The following MCF2L2 variants were observed in gnomAD, a reference collection of about 807,000 sequenced individuals.
MCF2L2 encodes the protein probable guanine nucleotide exchange factor MCF2L2.
In MCF2L2, 102 loss-of-function variants were observed where a neutral mutation model predicts 150.2. The observed-to-expected ratio is 0.68, with a 90% CI of 0.58 to 0.80. MCF2L2 has a LOEUF of 0.80. Ranked by LOEUF, MCF2L2 falls within the 30% of genes least tolerant of loss-of-function variation. MCF2L2 has a pLI of 0.00. For missense variants in MCF2L2, 1,256 were observed against 1,372.8 expected, an observed-to-expected ratio of 0.91 and a Z score of 1.34; for synonymous variants, 465 against 491.3, an observed-to-expected ratio of 0.95 and a Z score of 0.71.
chr3:183,196,500 A>T (rs1415062927), intron 25 of MCF2L2, among the ~76,000 whole-genome samples: 1 of 152,004 alleles, frequency 6.6e-6, no homozygotes, highest in African/African-American at 2.4e-5. Flanking sequence ...TCTTCTCAAC[A>T]TTGCCCGGAT....
chr3:183,371,963 G>A (rs1712911242), intron 3 of MCF2L2: 1 of 151,442 alleles, frequency 6.6e-6, no homozygotes, highest in Non-Finnish European at 1.5e-5. Context: ...GGAATTCCTT[G>A]TGGGCAAATT....
In MCF2L2 at chr3:183,240,510, G is replaced by A. The variant is rs1050794030; in HGVS notation, c.1863-9493C>T. On this transcript the variant is annotated intron_variant, in intron 15 of 29. Coordinates refer to ENST00000328913, the MANE Select transcript of MCF2L2 (RefSeq NM_015078.4). ...TGGGATTACAGGTGTGAGAAACCACGCCTAGTCCCCCAAAGCTCCATTTTT... is the reference window on the plus strand; with the variant it reads ...TGGGATTACAGGTGTGAGAAACCACACCTAGTCCCCCAAAGCTCCATTTTT... 3.9e-5 allele frequency among the ~76,000 whole-genome samples: 6 copies of A among 152,158 alleles called. No homozygotes were observed. In the South Asian group the frequency reaches 6.2e-4, roughly 16 times the overall value.
intron 22 of MCF2L2, among the ~76,000 whole-genome samples, chr3:183,209,725 G>C (rs1366186521): frequency 6.6e-6 from 1 of 152,096 alleles, no homozygotes; most frequent in Non-Finnish European, 1.5e-5. Context: ...CTGACCTCTG[G>C]TGATCTGCCC....
chr3:183,336,960 T>C (rs1730508484), intron 5 of MCF2L2, among the ~76,000 whole-genome samples: 1 of 152,068 alleles, frequency 6.6e-6, no homozygotes. Flanking sequence ...CAGCAGCTAC[T>C]GTTTTGATTT....
intron 13 of MCF2L2, among the ~76,000 whole-genome samples, chr3:183,293,508 G>A (rs1728286387): frequency 6.6e-6 from 1 of 152,098 alleles, no homozygotes; most frequent in South Asian, 2.1e-4. Flanking sequence ...GACCAAATAA[G>A]CATTTGAAAA....
Position 183,297,044 on chromosome 3 carries a change from C to G in MCF2L2, c.1429G>C (p.Glu477Gln). 2 of 1,614,184 alleles carry G rather than the reference C, an allele frequency of 1.2e-6. No individual in the cohort carries two copies. Among genetic ancestry groups the G allele is most frequent in the Non-Finnish European group, 1.7e-6 (2 of 1,180,034 alleles). Reference sequence around the variant, plus strand: ...TCCTTGGGGCTGAGCAACGGGTACTCCTTGACTGTGCCCAGGAATGTCGCA... The same window carrying G: ...TCCTTGGGGCTGAGCAACGGGTACTGCTTGACTGTGCCCAGGAATGTCGCA... ...DIATFLGTVK[E>Q]YPLLSPKEFY... is the part of the protein sequence containing the mutation. The change falls in exon 12 of 30, where the codon GAG (glutamate) becomes CAG (glutamine). Residue 477 changes from glutamate to glutamine, a missense_variant. Glu to Gln is a conservative substitution (Grantham distance 29). Coordinates refer to ENST00000328913, the MANE Select transcript of MCF2L2 (RefSeq NM_015078.4).
At chr3:183,282,690 A>G (rs77530814) in intron 14 of MCF2L2, among the ~76,000 whole-genome samples, 2,932 of 152,330 alleles carry the variant, frequency 0.019, 58 homozygotes, top group East Asian at 0.051. Flanking sequence ...TTTAAGCTCC[A>G]TGGATAAATT....
At chr3:183,222,855 CAG>C (rs141782731) in intron 20 of MCF2L2, among the ~76,000 whole-genome samples, 8 of 150,766 alleles carry the variant, frequency 5.3e-5, no homozygotes, top group South Asian at 2.1e-4. Context: ...GGGTAAAGGT[CAG>C]AGAGAGAGAG....
At chr3:183,425,319 G>A (rs779509315) in intron 1 of MCF2L2, among the ~76,000 whole-genome samples, 1 of 152,156 alleles carries the variant, frequency 6.6e-6, no homozygotes, top group Non-Finnish European at 1.5e-5. Flanking sequence ...AGGAGAAAGT[G>A]ACTCAGGGTC....
chr3:183,209,309 TAAAC>T (rs1722604220), intron 22 of MCF2L2, among the ~76,000 whole-genome samples: 1 of 152,192 alleles, frequency 6.6e-6, no homozygotes, highest in Non-Finnish European at 1.5e-5. Context: ...ATTTGCCACA[TAAAC>T]AAATGTTATC....
intron 15 of MCF2L2, chr3:183,272,372 C>T (rs553402451): frequency 1.0e-6 from 1 of 1,000,198 alleles, no homozygotes; most frequent in African/African-American, 1.7e-5. Context: ...ACTGCAGAGG[C>T]ACCTGTTAGG....
chr3:183,268,092 A>T (rs560710965), intron 15 of MCF2L2, among the ~76,000 whole-genome samples: 9 of 152,364 alleles, frequency 5.9e-5, no homozygotes, highest in African/African-American at 2.2e-4. Flanking sequence ...CCAGAGAAGG[A>T]TGTCTGTAGA....
intron 22 of MCF2L2, among the ~76,000 whole-genome samples, chr3:183,215,254 T>C (rs1722872047): frequency 6.6e-6 from 1 of 152,168 alleles, no homozygotes; most frequent in South Asian, 2.1e-4. Flanking sequence ...ACCAAGCTTA[T>C]GGTAATTTAT....
intron 2 of MCF2L2, among the ~76,000 whole-genome samples, chr3:183,388,411 C>A (rs373697985): frequency 3.3e-5 from 5 of 152,180 alleles, no homozygotes; most frequent in African/African-American, 9.7e-5. Context: ...CTTGCGCAAG[C>A]CCAGACTCAC....
At chr3:183,348,641 T>G (rs1454466520) in intron 3 of MCF2L2, among the ~76,000 whole-genome samples, 1 of 152,112 alleles carries the variant, frequency 6.6e-6, no homozygotes, top group Non-Finnish European at 1.5e-5. Context: ...CACTTTTGTG[T>G]ATGAGGAGAG....
intron 15 of MCF2L2, among the ~76,000 whole-genome samples, chr3:183,273,816 A>G (rs564279519): frequency 6.6e-6 from 1 of 152,214 alleles, no homozygotes; most frequent in Non-Finnish European, 1.5e-5. Flanking sequence ...TTTCTAGCCC[A>G]GGAGCAATAG....
At chr3:183,273,933 G>A (rs901739365) in intron 15 of MCF2L2, among the ~76,000 whole-genome samples, 2 of 152,114 alleles carry the variant, frequency 1.3e-5, no homozygotes, top group Admixed American at 6.5e-5. Flanking sequence ...TGCATTTATT[G>A]GCCAGGCGCC....
chr3:183,363,912 C>A (rs1426139940), intron 3 of MCF2L2, among the ~76,000 whole-genome samples: 1 of 152,102 alleles, frequency 6.6e-6, no homozygotes, highest in Non-Finnish European at 1.5e-5. Flanking sequence ...TTCTAAAGTA[C>A]ACATGGAACA....
chr3:183,395,223 G>C (rs1187491875), intron 1 of MCF2L2, among the ~76,000 whole-genome samples: 1 of 152,088 alleles, frequency 6.6e-6, no homozygotes, highest in Non-Finnish European at 1.5e-5. Flanking sequence ...GTTTTTACCA[G>C]AGTGAAAAAA....
Sources: allele counts gnomAD v4.1 joint callset (sites outside exome capture counted in the v4.1 genomes callset), GRCh38; gene constraint gnomAD v4.1.1; transcripts MANE v1.5; gene names NCBI Gene and HGNC (gene_info 2026-07-23, HGNC 2026-07-21).